Variants in MGAT4C observed in about 807,000 individuals in gnomAD.
The protein encoded by MGAT4C is alpha-1,3-mannosyl-glycoprotein 4-beta-N-acetylglucosaminyltransferase C.
A neutral mutation model predicts 40.1 loss-of-function variants in MGAT4C; 19 were observed. That is an observed-to-expected ratio of 0.47 (90% CI 0.33 to 0.70). MGAT4C has a LOEUF of 0.70. MGAT4C is among the 30% of genes least tolerant of loss of function. The pLI, the probability that MGAT4C is intolerant of heterozygous loss-of-function variation, is 0.02. For missense variants in MGAT4C, 491 were observed against 563.2 expected (o/e 0.87, Z 1.30); for synonymous variants, 181 against 187.1 (o/e 0.97, Z 0.27).
intron 2 of MGAT4C, among the ~76,000 whole-genome samples, chr12:86,581,868 A>G (rs939324492): frequency 3.3e-5 from 5 of 151,490 alleles, no homozygotes; most frequent in African/African-American, 1.2e-4. Context: ...TGCTGTCTAG[A>G]TAAAACTATG....
intron 2 of MGAT4C, among the ~76,000 whole-genome samples, chr12:86,558,213 T>C (rs1959702872): frequency 6.6e-6 from 1 of 152,158 alleles, no homozygotes; most frequent in African/African-American, 2.4e-5. Flanking sequence ...ATATATGACA[T>C]CATAAAGTGA....
intron 3 of MGAT4C, among the ~76,000 whole-genome samples, chr12:86,388,538 C>G (rs1956101712): frequency 6.6e-6 from 1 of 151,854 alleles, no homozygotes; most frequent in Non-Finnish European, 1.5e-5. Flanking sequence ...TACACATAGG[C>G]CAATTAAATT....
rs1424302773 is a variant in MGAT4C, at chr12:86,603,529, A to G, written c.-229+123680T>C. Among the ~76,000 whole-genome samples, 11 of 20,632 alleles carry G rather than the reference A, an allele frequency of 5.3e-4. 1 individual carries two copies. The Admixed American group carries it at 0.01, about 19-fold the overall frequency. 13.5% of individuals were successfully genotyped at this position (20,632 alleles called of 152,430 possible). On this transcript the variant is annotated intron_variant, in intron 2 of 7. Coordinates refer to the MGAT4C transcript ENST00000548651. ...ATATAGTCTATAGTCTATAGACTAT[A>G]TATAGTCTATAGACTATAGATAATA...
chr12:86,135,661 A>G (rs1446875653), intron 1 of MGAT4C, among the ~76,000 whole-genome samples: 2 of 152,174 alleles, frequency 1.3e-5, no homozygotes, highest in East Asian at 1.9e-4. Flanking sequence ...AATTATAGTG[A>G]CCATTTACAT....
chr12:86,703,095 A>G (rs561329177), intron 2 of MGAT4C, among the ~76,000 whole-genome samples: 36 of 152,170 alleles, frequency 2.4e-4, no homozygotes, highest in Non-Finnish European at 5.0e-4. Context: ...CAAGGGAACT[A>G]GAGCTAGAAG....
intron 1 of MGAT4C, among the ~76,000 whole-genome samples, chr12:86,820,182 G>GT (rs1200598677): frequency 6.6e-6 from 1 of 150,630 alleles, no homozygotes; most frequent in Non-Finnish European, 1.5e-5. Context: ...ATAAATATAT[G>GT]TATTTTTTCT....
intron 4 of MGAT4C, among the ~76,000 whole-genome samples, chr12:86,267,164 T>C (rs1243253083): frequency 6.6e-6 from 1 of 152,152 alleles, no homozygotes; most frequent in African/African-American, 2.4e-5. Flanking sequence ...TTTGCTTTTC[T>C]AGTCCCTTCA....
chr12:86,285,864 T>C (rs557660225), intron 4 of MGAT4C, among the ~76,000 whole-genome samples: 43 of 152,068 alleles, frequency 2.8e-4, no homozygotes, highest in African/African-American at 8.7e-4. Context: ...ATTTCAATCA[T>C]GTATTCACAT....
intron 2 of MGAT4C, among the ~76,000 whole-genome samples, chr12:86,012,656 G>T (rs1009173251): frequency 3.3e-5 from 5 of 151,890 alleles, no homozygotes; most frequent in Admixed American, 3.3e-4. Context: ...GGAGGCTGAG[G>T]CAGGAGAATC....
At chr12:86,775,246 T>C (rs1173206023) in intron 1 of MGAT4C, among the ~76,000 whole-genome samples, 1 of 152,040 alleles carries the variant, frequency 6.6e-6, no homozygotes, top group East Asian at 1.9e-4. Context: ...GTATTTACCA[T>C]CCTACTGAAC....
At chr12:86,428,796 T>C (rs1956978715) in intron 3 of MGAT4C, among the ~76,000 whole-genome samples, 1 of 152,186 alleles carries the variant, frequency 6.6e-6, no homozygotes, top group African/African-American at 2.4e-5. Flanking sequence ...TTTTTATTTC[T>C]GTGGTATCTG....
intron 2 of MGAT4C, among the ~76,000 whole-genome samples, chr12:86,589,809 G>T (rs948393718): frequency 1.3e-5 from 2 of 151,984 alleles, no homozygotes; most frequent in Admixed American, 1.3e-4. Flanking sequence ...AAAACCACAT[G>T]ATTATCTCAA....
intron 2 of MGAT4C, among the ~76,000 whole-genome samples, chr12:86,003,338 A>AGTTGAATCAG (rs1230935484): frequency 6.6e-6 from 1 of 152,164 alleles, no homozygotes; most frequent in Non-Finnish European, 1.5e-5. Flanking sequence ...TGGGCTTACT[A>AGTTGAATCAG]GTTGAATCAG....
At chr12:86,125,504 A>G (rs1216175154) in intron 1 of MGAT4C, among the ~76,000 whole-genome samples, 1 of 152,172 alleles carries the variant, frequency 6.6e-6, no homozygotes, top group Non-Finnish European at 1.5e-5. Context: ...GTTACAGATC[A>G]TCTCAAGACA....
At chr12:86,019,853 C>G (rs925523966) in intron 2 of MGAT4C, among the ~76,000 whole-genome samples, 16 of 152,116 alleles carry the variant, frequency 1.1e-4, no homozygotes, top group Non-Finnish European at 2.1e-4. Flanking sequence ...TGTTTGTATC[C>G]TCTTTTATTT....
At chr12:86,352,282 T>C (rs1274247499) in intron 3 of MGAT4C, among the ~76,000 whole-genome samples, 1 of 152,088 alleles carries the variant, frequency 6.6e-6, no homozygotes, top group African/African-American at 2.4e-5. Context: ...GATAAATACT[T>C]ACTGATTAAA....
At chr12:86,460,174 C>T (rs1454033685) in intron 2 of MGAT4C, among the ~76,000 whole-genome samples, 1 of 151,912 alleles carries the variant, frequency 6.6e-6, no homozygotes, top group South Asian at 2.1e-4. Context: ...ATACTGAGAC[C>T]CCATCTCTAA....
At chr12:86,441,653 C>T (rs1957230612) in intron 2 of MGAT4C, among the ~76,000 whole-genome samples, 1 of 151,902 alleles carries the variant, frequency 6.6e-6, no homozygotes, top group South Asian at 2.1e-4. Context: ...CAGTTTCATC[C>T]ATGTCCCTAC....
intron 2 of MGAT4C, among the ~76,000 whole-genome samples, chr12:86,507,793 G>C (rs906053427): frequency 6.6e-6 from 1 of 152,076 alleles, no homozygotes; most frequent in Admixed American, 6.6e-5. Flanking sequence ...CTTTAAAATT[G>C]AGTTTTAATT....
Sources: allele counts gnomAD v4.1 joint callset (sites outside exome capture counted in the v4.1 genomes callset), GRCh38; gene constraint gnomAD v4.1.1; transcripts MANE v1.5; gene names NCBI Gene and HGNC (gene_info 2026-07-23, HGNC 2026-07-21).